Variants in NLGN4X observed in about 807,000 individuals in gnomAD.
NLGN4X encodes the protein neuroligin-4, X-linked.
Under a neutral mutation model 40.3 loss-of-function variants are expected in NLGN4X, and 3 were observed. That is an observed-to-expected ratio of 0.07 (90% CI 0.03 to 0.19). NLGN4X has a LOEUF of 0.19. Ranked by LOEUF, NLGN4X falls within the 10% of genes least tolerant of loss-of-function variation. The probability of loss-of-function intolerance (pLI) is 1.00; values close to 1 mark genes in which losing one functional copy is unlikely to be tolerated. For missense variants in NLGN4X, 382 were observed against 708.3 expected (o/e 0.54, Z 5.23); for synonymous variants, 270 against 306.8 (o/e 0.88, Z 1.25).
At chrX:5,928,490 G>T (rs1007481179) in intron 3 of NLGN4X, among the ~76,000 whole-genome samples, 3 of 111,966 alleles carry the variant, frequency 2.7e-5, no homozygotes, top group Non-Finnish European at 5.6e-5. Flanking sequence ...GGAGGGGAGG[G>T]AGATTTATAG....
intron 3 of NLGN4X, among the ~76,000 whole-genome samples, chrX:5,996,187 G>A (rs1179634449): frequency 8.9e-6 from 1 of 111,991 alleles, no homozygotes; most frequent in Admixed American, 9.5e-5. Context: ...CGCCTCCCCT[G>A]ATGAAAAGAA....
chrX:6,017,282 G>C (rs1309440863), intron 3 of NLGN4X, among the ~76,000 whole-genome samples: 1 of 111,754 alleles, frequency 8.9e-6, no homozygotes, highest in African/African-American at 3.2e-5. Context: ...GCCCTCAAGA[G>C]AATAGTTCTG....
chrX:6,225,681 C>CTTTTTTTTT (rs1569309354), intron 1 of NLGN4X, among the ~76,000 whole-genome samples: 24 of 33,796 alleles, frequency 7.1e-4, no homozygotes, highest in East Asian at 1.0e-3. Context: ...TTTTTTCTTT[C>CTTTTTTTTT]TTTTTTTCTT....
At chrX:6,032,229 C>A (rs1273567681) in intron 2 of NLGN4X, among the ~76,000 whole-genome samples, 1 of 85,574 alleles carries the variant, frequency 1.2e-5, no homozygotes, top group Non-Finnish European at 2.3e-5. Flanking sequence ...ATTTCAGCCC[C>A]CCCCCCCCCA....
intron 3 of NLGN4X, among the ~76,000 whole-genome samples, chrX:5,934,699 T>C (rs187276817): frequency 3.6e-5 from 4 of 111,965 alleles, no homozygotes; most frequent in Non-Finnish European, 7.5e-5. Flanking sequence ...TGGCTATTCG[T>C]TTATGCTGCT....
In NLGN4X at chrX:5,893,009, C is replaced by G. The variant is rs886042929; in HGVS notation, c.2259G>C (p.Arg753Ser). 1.7e-6 allele frequency: 2 copies of G among 1,211,205 alleles called. No individual in the cohort carries two copies. Among genetic ancestry groups the G allele is most frequent in the Admixed American group, 2.2e-5 (1 of 45,941 alleles). The change falls in exon 6 of 6, where the codon AGG becomes AGC. Residue 753 changes from arginine to serine, a missense_variant. Arg to Ser is a moderately radical substitution (Grantham distance 110). Around this residue, in one of 5 missense-constraint regions of NLGN4X, gnomAD observed 57 missense variants for 65.6 expected, o/e 0.87. Coordinates refer to ENST00000381095, the MANE Select transcript of NLGN4X (RefSeq NM_181332.3). ...GGGTGTAGTCTGGCGGGCAGGTGAG[C>G]CTCAGTGTGTCGTGTGCCTGCAGCG... Reference protein sequence around the residue: ...CESLQAHDTLRLTCPPDYTLT... With the variant: ...CESLQAHDTLSLTCPPDYTLT...
intron 2 of NLGN4X, among the ~76,000 whole-genome samples, chrX:6,080,667 G>C (rs2147400033): frequency 9.0e-6 from 1 of 111,354 alleles, no homozygotes; most frequent in Non-Finnish European, 1.9e-5. Flanking sequence ...CCCATAAACT[G>C]TTTCCCCATA....
At chrX:6,224,977 C>T (rs1219230908) in intron 1 of NLGN4X, among the ~76,000 whole-genome samples, 2 of 52,325 alleles carry the variant, frequency 3.8e-5, no homozygotes, top group Non-Finnish European at 6.2e-5. Flanking sequence ...TTAAAATGGC[C>T]ATATATATAT....
intron 2 of NLGN4X, among the ~76,000 whole-genome samples, chrX:6,033,668 A>G (rs1055225934): frequency 6.3e-5 from 7 of 111,771 alleles, no homozygotes; most frequent in African/African-American, 9.7e-5. Flanking sequence ...GATCACCTCA[A>G]TAAGATCTGC....
intron 2 of NLGN4X, among the ~76,000 whole-genome samples, chrX:6,146,602 C>T (rs968497151): frequency 9.1e-6 from 1 of 109,845 alleles, no homozygotes. Context: ...TTCAAAGAGT[C>T]AGGTGTCATC....
At chrX:6,157,331 T>G (rs1420490570) in intron 1 of NLGN4X, among the ~76,000 whole-genome samples, 1 of 111,594 alleles carries the variant, frequency 9.0e-6, no homozygotes, top group Admixed American at 9.6e-5. Flanking sequence ...GGTAAAGAGT[T>G]AATGGCTTAT....
chrX:6,220,585 GA>G (rs200949012), intron 1 of NLGN4X, among the ~76,000 whole-genome samples: 5 of 104,940 alleles, frequency 4.8e-5, no homozygotes, highest in African/African-American at 1.4e-4. Flanking sequence ...ACTCAAATTA[GA>G]AAAAAAAAGC....
chrX:6,175,637 A>G (rs1017487862), intron 1 of NLGN4X, among the ~76,000 whole-genome samples: 2 of 87,732 alleles, frequency 2.3e-5, no homozygotes, highest in African/African-American at 9.1e-5. Context: ...CCTTCAAGTT[A>G]TATCATTATC....
intron 1 of NLGN4X, among the ~76,000 whole-genome samples, chrX:6,180,944 T>A (rs763107172): frequency 2.7e-4 from 30 of 111,887 alleles, no homozygotes; most frequent in African/African-American, 9.8e-4. Context: ...CCTGCTTTTT[T>A]CTTTAAGTAA....
intron 3 of NLGN4X, among the ~76,000 whole-genome samples, chrX:5,962,342 C>T (rs971529574): frequency 9.0e-6 from 1 of 111,495 alleles, no homozygotes; most frequent in Non-Finnish European, 1.9e-5. Context: ...TCATTTTAGT[C>T]ACTTTAAGAC....
At chrX:5,966,821 G>A (rs1220195027) in intron 3 of NLGN4X, among the ~76,000 whole-genome samples, 1 of 111,824 alleles carries the variant, frequency 8.9e-6, no homozygotes, top group African/African-American at 3.3e-5. Flanking sequence ...AATCATTTGG[G>A]AAATTGGCTT....
At chrX:5,972,332 C>T (rs1733524827) in intron 3 of NLGN4X, among the ~76,000 whole-genome samples, 1 of 111,169 alleles carries the variant, frequency 9.0e-6, no homozygotes, top group African/African-American at 3.3e-5. Flanking sequence ...ATGTGTACCC[C>T]ATTTATTATA....
At chrX:6,227,507 G>C (rs1239491098) in intron 1 of NLGN4X, among the ~76,000 whole-genome samples, 1 of 109,061 alleles carries the variant, frequency 9.2e-6, no homozygotes, top group African/African-American at 3.4e-5. Context: ...GCAGCTGCAA[G>C]CCCCCCCGCG....
Position 6,192,134 on chromosome X carries a change from A to AT in NLGN4X, c.-306+36406dup, listed in dbSNP as rs892099292. Reference sequence around the variant, plus strand: ...GTTGCATAGACATTGTTTTCACCTAATTTTTTTTTTCTTTGAGACAGGGTC... The same window carrying AT: ...GTTGCATAGACATTGTTTTCACCTAATTTTTTTTTTTCTTTGAGACAGGGTC... On this transcript the variant is annotated intron_variant, in intron 1 of 5. Coordinates refer to ENST00000381095, the MANE Select transcript of NLGN4X (RefSeq NM_181332.3). Among the ~76,000 whole-genome samples the AT allele has an allele frequency of 2.3e-4, 25 of 107,627 alleles. No homozygotes were observed. In the East Asian group the frequency reaches 3.8e-3, roughly 16 times the overall value. The allele number at this position is 107,627 out of a possible 115,157, so 93.5% of individuals were successfully genotyped here.
Sources: gnomAD v4.1 joint callset for allele counts (sites outside exome capture counted in the v4.1 genomes callset) on GRCh38, gnomAD v4.1.1 for gene constraint, gnomAD v4.1.1 regional missense constraint, MANE v1.5 for transcripts, NCBI Gene and HGNC (gene_info 2026-07-23, HGNC 2026-07-21) for gene names.